Variants in NOMO2 observed in about 807,000 individuals in gnomAD.
NOMO2 encodes the protein BOS complex subunit NOMO2.
Under a neutral mutation model 67.1 loss-of-function variants are expected in NOMO2, and 14 were observed. That is an observed-to-expected ratio of 0.21 (90% confidence interval 0.14 to 0.33). The LOEUF is 0.33. Among genes scored for constraint, NOMO2 ranks in the 10% least tolerant of loss-of-function variants. The pLI is 1.00. For missense variants in NOMO2, 178 were observed against 761.0 expected (o/e 0.23, Z 9.01); for synonymous variants, 80 against 305.9 (o/e 0.26, Z 7.71).
rs1175522675 is a variant in NOMO2 at position 18,507,517 on chromosome 16, G to A, written c.3325-525C>T. On this transcript the variant is annotated intron_variant, in intron 28 of 30. Coordinates refer to ENST00000622306, the MANE Select transcript of NOMO2 (RefSeq NM_173614.4). ...GCACCATGCACATTGCATGAGGCCCGCGGCTGCTTTGCTTTCTACCACTGG... is the reference window on the plus strand; with the variant it reads ...GCACCATGCACATTGCATGAGGCCCACGGCTGCTTTGCTTTCTACCACTGG... Among the ~76,000 whole-genome samples the A allele has an allele frequency of 5.5e-5, 3 of 54,444 alleles. No homozygotes were observed. In the East Asian group the frequency reaches 1.8e-3, roughly 33 times the overall value. 35.7% of individuals were successfully genotyped at this position (54,444 alleles called of 152,430 possible).
chr16:18,533,185 A>C lies in NOMO2; in HGVS notation c.1221-6T>G, dbSNP rs1169208621. ...TCCGACCACAGACACTGAACCTGCAAAGAGAAGACCATTCATTCCAGCACG... is the reference window on the plus strand; with the variant it reads ...TCCGACCACAGACACTGAACCTGCACAGAGAAGACCATTCATTCCAGCACG... On this transcript the variant is annotated splice_region_variant and splice_polypyrimidine_tract_variant and intron_variant, in intron 11 of 30. Coordinates refer to ENST00000622306, the MANE Select transcript of NOMO2 (RefSeq NM_173614.4). 6.2e-7 allele frequency: 1 copy of C among 1,611,302 alleles called. No individual in the cohort carries two copies. Among genetic ancestry groups the C allele is most frequent in the South Asian group, 1.1e-5 (1 of 90,886 alleles).
chr16:18,543,181 A>G (rs936521405), intron 7 of NOMO2, among the ~76,000 whole-genome samples: 1 of 135,032 alleles, frequency 7.4e-6, no homozygotes, highest in African/African-American at 2.7e-5. Flanking sequence ...ATATTCTTGA[A>G]TTTTTTTTTT....
At chr16:18,536,331 C>T (rs1352526743) in intron 11 of NOMO2, among the ~76,000 whole-genome samples, 2 of 152,214 alleles carry the variant, frequency 1.3e-5, no homozygotes, top group African/African-American at 4.8e-5. Flanking sequence ...ACCCAGAGAG[C>T]CTTGCAGAGC....
intron 7 of NOMO2, among the ~76,000 whole-genome samples, chr16:18,543,152 G>A (rs1168008212): frequency 1.5e-5 from 2 of 136,026 alleles, no homozygotes; most frequent in African/African-American, 2.6e-5. Context: ...AATGTCTTGT[G>A]AGTCAACAGA....
At chr16:18,526,462 C>T (rs112853978) in intron 16 of NOMO2, among the ~76,000 whole-genome samples, 1 of 151,914 alleles carries the variant, frequency 6.6e-6, no homozygotes, top group Non-Finnish European at 1.5e-5. Flanking sequence ...AAGACTTGTA[C>T]AAGAATGTCC....
At chr16:18,557,324 G>C (rs1596863175) in intron 2 of NOMO2, among the ~76,000 whole-genome samples, 1 of 151,272 alleles carries the variant, frequency 6.6e-6, no homozygotes, top group East Asian at 1.9e-4. Context: ...TAAGCTGCTT[G>C]CAAGTAACGG....
At chr16:18,520,366 T>TCGTTCATC (rs1304670253) in intron 20 of NOMO2, among the ~76,000 whole-genome samples, 1 of 45,042 alleles carries the variant, frequency 2.2e-5, no homozygotes, top group African/African-American at 8.5e-5. Flanking sequence ...TCTAAATCAT[T>TCGTTCATC]CATTCATCCA....
At chr16:18,560,047 G>T (rs1367506422) in intron 1 of NOMO2, among the ~76,000 whole-genome samples, 1 of 151,680 alleles carries the variant, frequency 6.6e-6, no homozygotes, top group Non-Finnish European at 1.5e-5. Flanking sequence ...AAACACTCAG[G>T]ATGGGAGAAA....
At chr16:18,548,435 A>G (rs1347848894) in intron 5 of NOMO2, among the ~76,000 whole-genome samples, 1 of 151,186 alleles carries the variant, frequency 6.6e-6, no homozygotes, top group Admixed American at 6.6e-5. Flanking sequence ...ATAAACTTCT[A>G]TTTTGCAATT....
At chr16:18,525,526 T>C (rs2141713494) in intron 16 of NOMO2, among the ~76,000 whole-genome samples, 1 of 151,584 alleles carries the variant, frequency 6.6e-6, no homozygotes, top group East Asian at 1.9e-4. Context: ...GAAGCAATAC[T>C]GAACTGATGG....
At chr16:18,550,564 G>T (rs1407584949) in intron 4 of NOMO2, among the ~76,000 whole-genome samples, 3 of 151,836 alleles carry the variant, frequency 2.0e-5, no homozygotes, top group African/African-American at 7.3e-5. Context: ...AGGAAGGAAG[G>T]AAGCACATCT....
intron 3 of NOMO2, among the ~76,000 whole-genome samples, chr16:18,553,815 C>T (rs1406913630): frequency 1.5e-5 from 2 of 135,820 alleles, no homozygotes; most frequent in African/African-American, 5.3e-5. Flanking sequence ...ACCCCCCACC[C>T]TACCCCTGAC....
chr16:18,555,446 G>A (rs1168475522), intron 2 of NOMO2, among the ~76,000 whole-genome samples: 3 of 147,292 alleles, frequency 2.0e-5, no homozygotes, highest in Non-Finnish European at 4.5e-5. Flanking sequence ...GAGGCAGGAA[G>A]ATCACTTGAG....
intron 20 of NOMO2, among the ~76,000 whole-genome samples, 175 bp downstream of exon 20, chr16:18,520,414 ACCATCCAT>A (rs766197133): frequency 6.8e-6 from 1 of 146,266 alleles, no homozygotes; most frequent in Non-Finnish European, 1.5e-5. Flanking sequence ...ATCCAACCCA[ACCATCCAT>A]CCATCCATCC....
chr16:18,545,211 T>G (rs1901639735), intron 6 of NOMO2, among the ~76,000 whole-genome samples: 1 of 148,776 alleles, frequency 6.7e-6, no homozygotes, highest in Admixed American at 6.8e-5. Context: ...TTCTCCTGCC[T>G]CAGCCTCCCG....
At chr16:18,531,695 T>G (rs7203700) in intron 12 of NOMO2, 88 bp from the exon 13 acceptor site, 1 of 1,550,750 alleles carries the variant, frequency 6.4e-7, no homozygotes, top group Non-Finnish European at 8.7e-7. Flanking sequence ...CATCTGGGAC[T>G]AAGGCTAAAG....
intron 7 of NOMO2, 106 bp downstream of exon 7, chr16:18,543,511 T>C (rs974668679): frequency 6.4e-7 from 1 of 1,558,134 alleles, no homozygotes; most frequent in South Asian, 1.2e-5. Context: ...AGTGTTAAAA[T>C]GATAAATCAA....
intron 4 of NOMO2, among the ~76,000 whole-genome samples, chr16:18,550,611 T>A (rs1290679593): frequency 6.6e-6 from 1 of 151,840 alleles, no homozygotes; most frequent in Non-Finnish European, 1.5e-5. Context: ...GAGAAATGAC[T>A]CTCCCCTGAG....
Position 18,557,925 on chromosome 16 carries a change from T to C in NOMO2, c.166-134A>G, listed in dbSNP as rs78302925. 5.7e-3 allele frequency: 8,644 copies of C among 1,506,302 alleles called. 64 individuals carry two copies. Among genetic ancestry groups the C allele is most frequent in the South Asian group, 8.7e-3 (705 of 81,440 alleles). The allele number at this position is 1,506,302 out of a possible 1,614,324, so 93.3% of individuals were successfully genotyped here. A position where few individuals can be genotyped will look rare whatever the true frequency, so the allele number is the denominator to read the frequency against. On this transcript the variant is annotated intron_variant, in intron 1 of 30. Transcript: ENST00000622306. ...ATATACCAGCTTTTAACACGGGGCATTACTGGGGACAGAGGGAAATCAACA... is the reference window on the plus strand; with the variant it reads ...ATATACCAGCTTTTAACACGGGGCACTACTGGGGACAGAGGGAAATCAACA...
Sources: gnomAD v4.1 joint callset for allele counts (sites outside exome capture counted in the v4.1 genomes callset) on GRCh38, gnomAD v4.1.1 for gene constraint, MANE v1.5 for transcripts, NCBI Gene and HGNC (gene_info 2026-07-23, HGNC 2026-07-21) for gene names.